Variants in FAM117B observed in about 807,000 individuals in gnomAD.
FAM117B encodes the protein protein FAM117B.
A neutral mutation model predicts 52.8 loss-of-function variants in FAM117B; 22 were observed. The ratio of observed to expected loss-of-function variants is 0.42; its 90% CI spans 0.30 to 0.59. The LOEUF (loss-of-function observed/expected upper bound fraction) is 0.59. FAM117B is among the 20% of genes least tolerant of loss of function. The pLI, the probability that FAM117B is intolerant of heterozygous loss-of-function variation, is 0.22. For synonymous variants in FAM117B, 309 were observed against 324.1 expected, an observed-to-expected ratio of 0.95 and a Z score of 0.50; for missense variants, 678 against 802.6, an observed-to-expected ratio of 0.84 and a Z score of 1.88.
At chr2:202,697,716 A>G (rs1486929610) in intron 2 of FAM117B, among the ~76,000 whole-genome samples, 2 of 151,578 alleles carry the variant, frequency 1.3e-5, no homozygotes, top group Non-Finnish European at 2.9e-5. Context: ...TTTCTGACTA[A>G]TTTTTGTACT....
intron 1 of FAM117B, among the ~76,000 whole-genome samples, chr2:202,667,654 C>G (rs1322554918): frequency 1.3e-5 from 2 of 151,996 alleles, no homozygotes; most frequent in Admixed American, 1.3e-4. Flanking sequence ...CAAGATAAAC[C>G]TTAGCCATTT....
intron 1 of FAM117B, among the ~76,000 whole-genome samples, chr2:202,642,950 G>T (rs1689793135): frequency 6.6e-6 from 1 of 152,194 alleles, no homozygotes; most frequent in South Asian, 2.1e-4. Flanking sequence ...CGAAAAGAAA[G>T]ATTGTATTTC....
At chr2:202,714,416 C>T (rs932694786) in intron 2 of FAM117B, among the ~76,000 whole-genome samples, 1 of 151,806 alleles carries the variant, frequency 6.6e-6, no homozygotes, top group African/African-American at 2.4e-5. Context: ...GTGAAGTCTC[C>T]AGCTGTTATT....
intron 1 of FAM117B, among the ~76,000 whole-genome samples, chr2:202,679,838 A>G (rs1375671628): frequency 6.6e-6 from 1 of 152,232 alleles, no homozygotes; most frequent in Non-Finnish European, 1.5e-5. Context: ...AATGACTAGA[A>G]GCAGGAAAAT....
intron 4 of FAM117B, among the ~76,000 whole-genome samples, chr2:202,730,079 A>G (rs1399983795): frequency 1.3e-5 from 2 of 152,210 alleles, no homozygotes; most frequent in Admixed American, 1.3e-4. Context: ...AGAAGGTAAG[A>G]ATTAATAGTT....
At chr2:202,695,763 G>A in intron 1 of FAM117B, 118 bp from the exon 2 acceptor site, 10 of 1,045,678 alleles carry the variant, frequency 9.6e-6, no homozygotes, top group South Asian at 1.8e-5. Flanking sequence ...AGTATCCCCT[G>A]TGGTTAAAGG....
chr2:202,705,333 A>C (rs1239256838), intron 2 of FAM117B, among the ~76,000 whole-genome samples: 2 of 152,118 alleles, frequency 1.3e-5, no homozygotes, highest in Non-Finnish European at 2.9e-5. Flanking sequence ...AAAAAAGTTA[A>C]GAACATGGAA....
intron 4 of FAM117B, among the ~76,000 whole-genome samples, chr2:202,751,507 G>A (rs1559115729): frequency 1.3e-5 from 2 of 152,056 alleles, no homozygotes; most frequent in African/African-American, 2.4e-5. Flanking sequence ...AGTGGCTCAC[G>A]CCTGTAATCC....
chr2:202,688,895 A>T (rs1236774805), intron 1 of FAM117B, among the ~76,000 whole-genome samples: 1 of 152,224 alleles, frequency 6.6e-6, no homozygotes. Flanking sequence ...CTAAAAGGAT[A>T]CCTATCTGCT....
At chr2:202,747,572 A>T (rs1464092895) in intron 4 of FAM117B, among the ~76,000 whole-genome samples, 2 of 152,184 alleles carry the variant, frequency 1.3e-5, no homozygotes, top group African/African-American at 4.8e-5. Context: ...ACTACAAAAA[A>T]AATCACAAAA....
At chr2:202,763,014 C>A (rs1691918836) in intron 7 of FAM117B, among the ~76,000 whole-genome samples, 1 of 149,932 alleles carries the variant, frequency 6.7e-6, no homozygotes, top group African/African-American at 2.5e-5. Flanking sequence ...GAAGTTTGTA[C>A]TTCAGAAATG....
intron 1 of FAM117B, 71 bp downstream of exon 1, chr2:202,635,859 G>T (rs1164036175): frequency 7.5e-7 from 1 of 1,326,628 alleles, no homozygotes; most frequent in African/African-American, 1.5e-5. Context: ...CGCTGCAATC[G>T]CGCGGGGACT....
chr2:202,670,192 A>G (rs1690268857), intron 1 of FAM117B, among the ~76,000 whole-genome samples: 1 of 152,172 alleles, frequency 6.6e-6, no homozygotes, highest in South Asian at 2.1e-4. Context: ...AGACATACCA[A>G]TTTGTTCCAA....
intron 2 of FAM117B, among the ~76,000 whole-genome samples, chr2:202,699,449 G>GAAAAAAAAAAAAAAAAAA (rs59522030): frequency 1.0e-5 from 1 of 100,032 alleles, no homozygotes; most frequent in Non-Finnish European, 1.9e-5. Context: ...AAAAAAAAAA[G>GAAAAAAAAAAAAAAAAAA]AAAAAAAAAA....
intron 1 of FAM117B, among the ~76,000 whole-genome samples, chr2:202,644,203 A>G (rs1689829103): frequency 6.6e-6 from 1 of 151,440 alleles, no homozygotes; most frequent in Admixed American, 6.6e-5. Context: ...AATCAGTATT[A>G]ATGTTATTAT....
At chr2:202,723,031 G>A (rs376778933) in intron 2 of FAM117B, among the ~76,000 whole-genome samples, 16 of 152,252 alleles carry the variant, frequency 1.1e-4, no homozygotes, top group African/African-American at 3.6e-4. Flanking sequence ...GGTCACCTCT[G>A]GGATGTGTGA....
chr2:202,762,442 C>G (rs7603479), intron 7 of FAM117B, among the ~76,000 whole-genome samples: 74,269 of 152,008 alleles, frequency 0.49, 18,839 homozygotes, highest in Middle Eastern at 0.62. Context: ...TGAATATACT[C>G]TTTCCTGATC....
Position 202,635,136 on chromosome 2 carries a change from C to T in FAM117B, c.-52C>T, listed in dbSNP as rs1490853785. ...CCTCGAGAATCCTCCCCCTGCAGCC[C>T]AACAACAACAAAACCCCCCGTCTCG... On this transcript the variant is annotated 5_prime_UTR_variant, in exon 1 of 8. Transcript: ENST00000392238. 1 of 1,249,918 alleles carries T rather than the reference C, an allele frequency of 8.0e-7. No individual in the cohort carries two copies. The highest frequency in any genetic ancestry group is 3.1e-5 in the East Asian group (1 of 31,760). The allele number at this position is 1,249,918 out of a possible 1,614,324, so 77.4% of individuals were successfully genotyped here.
chr2:202,715,522 T>A (rs1315611183), intron 2 of FAM117B, among the ~76,000 whole-genome samples: 1 of 132,910 alleles, frequency 7.5e-6, no homozygotes, highest in Non-Finnish European at 1.6e-5. Flanking sequence ...TCTCAGACGA[T>A]GGGCGGCCGG....
Sources: allele counts gnomAD v4.1 joint callset (sites outside exome capture counted in the v4.1 genomes callset), GRCh38; gene constraint gnomAD v4.1.1; transcripts MANE v1.5; gene names NCBI Gene and HGNC (gene_info 2026-07-23, HGNC 2026-07-21).